GRID1: variants seen among roughly 807,000 people sequenced by gnomAD.
GRID1 encodes the protein glutamate receptor ionotropic, delta-1.
A neutral mutation model predicts 98.0 loss-of-function variants in GRID1; 28 were observed. That is an observed-to-expected ratio of 0.29 (90% CI 0.21 to 0.39). The LOEUF (loss-of-function observed/expected upper bound fraction) is 0.39, where lower values mean the gene tolerates loss of function less well. GRID1 is among the 10% of genes least tolerant of loss of function. GRID1 has a pLI of 1.00. For missense variants in GRID1, 1,111 were observed against 1,340.5 expected (o/e 0.83, Z 2.67); for synonymous variants, 553 against 538.5 (o/e 1.03, Z -0.37).
intron 2 of GRID1, among the ~76,000 whole-genome samples, chr10:86,294,893 A>ACT (rs1307595824): frequency 6.6e-6 from 1 of 152,190 alleles, no homozygotes; most frequent in African/African-American, 2.4e-5. Context: ...CAGCAATGGG[A>ACT]CTAGGAAGGT....
intron 2 of GRID1, among the ~76,000 whole-genome samples, chr10:86,361,048 G>A (rs570333709): frequency 1.9e-4 from 29 of 152,210 alleles, no homozygotes; most frequent in African/African-American, 6.5e-4. Context: ...AACCTGTATC[G>A]ACAACCCATG....
chr10:85,823,248 A>G (rs1474745242), intron 8 of GRID1, among the ~76,000 whole-genome samples: 2 of 152,068 alleles, frequency 1.3e-5, no homozygotes, highest in Non-Finnish European at 2.9e-5. Context: ...ATCATCTCTC[A>G]GTAAAGTTGC....
At chr10:85,821,264 T>A (rs1842767445) in intron 8 of GRID1, among the ~76,000 whole-genome samples, 1 of 151,712 alleles carries the variant, frequency 6.6e-6, no homozygotes, top group Non-Finnish European at 1.5e-5. Flanking sequence ...ATGCCTGTAA[T>A]CCCAGCACTT....
intron 2 of GRID1, among the ~76,000 whole-genome samples, chr10:86,335,622 G>A (rs1017851803): frequency 6.6e-6 from 1 of 152,194 alleles, no homozygotes; most frequent in South Asian, 2.1e-4. Context: ...GGCCATTGCT[G>A]TCCCTATTTT....
chr10:86,307,419 C>T (rs747885317), intron 2 of GRID1, among the ~76,000 whole-genome samples: 11 of 152,146 alleles, frequency 7.2e-5, no homozygotes, highest in Non-Finnish European at 1.5e-4. Flanking sequence ...GAACGTTATG[C>T]TTTGTTATAA....
chr10:85,613,528 T>A lies in GRID1; in HGVS notation c.2480A>T (p.Lys827Met), dbSNP rs1216319542. 1 of 1,614,180 alleles carries A rather than the reference T, an allele frequency of 6.2e-7. No individual in the cohort carries two copies. The highest frequency in any genetic ancestry group is 1.3e-5 in the African/African-American group (1 of 75,070). Residue 827 changes from lysine to methionine, a missense_variant, in exon 15 of 16, where the codon AAG becomes ATG. Transcript: ENST00000327946. Reference protein sequence around the residue: ...ASAQADGKSLKLHSFAGVFCI... With the variant: ...ASAQADGKSLMLHSFAGVFCI... ...GAAGACCCCGGCGAAGCTGTGCAGC[T>A]TGAGGGATTTGCCGTCGGCCTGGGC...
At chr10:86,328,477 G>T (rs181112446) in intron 2 of GRID1, among the ~76,000 whole-genome samples, 1 of 152,342 alleles carries the variant, frequency 6.6e-6, no homozygotes. Context: ...AAGAGGAGAG[G>T]CTGGAAGCCA....
chr10:86,093,001 A>C (rs1455559182), intron 4 of GRID1, among the ~76,000 whole-genome samples: 1 of 152,210 alleles, frequency 6.6e-6, no homozygotes, highest in Non-Finnish European at 1.5e-5. Flanking sequence ...GTCTCAATAA[A>C]TTTAAGAAAA....
At chr10:85,701,916 G>T (rs192282615) in intron 12 of GRID1, among the ~76,000 whole-genome samples, 7 of 152,066 alleles carry the variant, frequency 4.6e-5, no homozygotes, top group Admixed American at 2.0e-4. Context: ...CACCACTAAA[G>T]AACTTACTTA....
At chr10:86,044,146 C>G (rs1462629117) in intron 4 of GRID1, among the ~76,000 whole-genome samples, 1 of 152,178 alleles carries the variant, frequency 6.6e-6, no homozygotes, top group African/African-American at 2.4e-5. Flanking sequence ...ATGAACTACA[C>G]TGTGTTAAAC....
Position 85,878,378 on chromosome 10 carries a change from G to A in GRID1, c.781-9198C>T, listed in dbSNP as rs537967745. ...TTAAGGGCAGCCAGAGAGAAAGGTC[G>A]GGTTACCCACAAAGGGAAGCCCATC... On this transcript the variant is annotated intron_variant, in intron 5 of 15. Transcript: ENST00000327946. Among the ~76,000 whole-genome samples the A allele has an allele frequency of 3.1e-3, 477 of 152,082 alleles. 2 individuals are homozygous for A. Among genetic ancestry groups the A allele is most frequent in the Middle Eastern group, 0.01 (3 of 294 alleles).
chr10:86,163,187 T>A (rs958145997), intron 3 of GRID1, among the ~76,000 whole-genome samples: 1 of 152,120 alleles, frequency 6.6e-6, no homozygotes, highest in African/African-American at 2.4e-5. Context: ...TGGAGCCACT[T>A]GAAACAACGG....
intron 14 of GRID1, among the ~76,000 whole-genome samples, chr10:85,614,153 G>A (rs1842763812): frequency 6.6e-6 from 1 of 152,180 alleles, no homozygotes. Context: ...CTAGTATGAT[G>A]TTCAGCACTA....
At chr10:86,066,964 C>T (rs1843728224) in intron 4 of GRID1, among the ~76,000 whole-genome samples, 1 of 152,180 alleles carries the variant, frequency 6.6e-6, no homozygotes, top group Non-Finnish European at 1.5e-5. Context: ...GTCATGAAGC[C>T]CTTGAAACTA....
Position 86,072,060 on chromosome 10 carries a change from CG to C in GRID1, c.726+66758del, listed in dbSNP as rs1843812661. On this transcript the variant is annotated intron_variant, in intron 4 of 15. Transcript: ENST00000327946. ...CAGGTGAGAGGAAGATGGGAGGAAC[CG>C]GGGGTGAAGGAAAGGTAGCCTAGTC... Among the ~76,000 whole-genome samples the C allele has an allele frequency of 2.0e-5, 3 of 152,140 alleles. No homozygotes were observed. In the South Asian group the frequency reaches 6.2e-4, roughly 32 times the overall value.
chr10:85,942,094 C>T (rs1842003384), intron 4 of GRID1, among the ~76,000 whole-genome samples: 1 of 152,212 alleles, frequency 6.6e-6, no homozygotes. Flanking sequence ...CCAAGTTTCT[C>T]AAATGTACTG....
intron 5 of GRID1, among the ~76,000 whole-genome samples, chr10:85,873,727 T>C (rs1160057501): frequency 6.6e-6 from 1 of 152,252 alleles, no homozygotes. Flanking sequence ...ACAATGTGTA[T>C]GCCTCTTGCA....
chr10:85,764,313 G>A (rs1842176284), intron 8 of GRID1, among the ~76,000 whole-genome samples: 1 of 152,184 alleles, frequency 6.6e-6, no homozygotes, highest in Non-Finnish European at 1.5e-5. Context: ...ATTTTAAGTA[G>A]GGGCACATCT....
chr10:86,089,721 T>C (rs1352285964), intron 4 of GRID1, among the ~76,000 whole-genome samples: 2 of 151,944 alleles, frequency 1.3e-5, no homozygotes, highest in South Asian at 2.1e-4. Context: ...GGAAATACAA[T>C]ATATAAAGAA....
Sources: gnomAD v4.1 joint callset for allele counts (sites outside exome capture counted in the v4.1 genomes callset) on GRCh38, gnomAD v4.1.1 for gene constraint, MANE v1.5 for transcripts, NCBI Gene and HGNC (gene_info 2026-07-23, HGNC 2026-07-21) for gene names.